IPO11: variants seen among roughly 807,000 people sequenced by gnomAD.
IPO11 encodes the protein importin-11.
IPO11 carries 66 observed loss-of-function variants against 143.2 expected under a neutral mutation model. The observed-to-expected ratio is 0.46, with a 90% CI of 0.38 to 0.57. The LOEUF is 0.57. IPO11 is among the 20% of genes least tolerant of loss of function. IPO11 has a pLI of 0.00. For missense variants in IPO11, 1,026 were observed against 1,141.0 expected, an observed-to-expected ratio of 0.90 and a Z score of 1.45; for synonymous variants, 385 against 377.8, an observed-to-expected ratio of 1.02 and a Z score of -0.22.
At chr5:62,576,858 T>G (rs1744332829) in intron 27 of IPO11, among the ~76,000 whole-genome samples, 1 of 152,256 alleles carries the variant, frequency 6.6e-6, no homozygotes, top group African/African-American at 2.4e-5. Flanking sequence ...TATTTATACA[T>G]TCTTGTTTTT....
chr5:62,490,137 T>A lies in IPO11; in HGVS notation c.1380T>A (p.Ala460=). 6.3e-7 allele frequency: 1 copy of A among 1,598,382 alleles called. No homozygotes were observed. Among genetic ancestry groups the A allele is most frequent in the Non-Finnish European group, 8.5e-7 (1 of 1,173,904 alleles). Residue 460 remains alanine (A), a synonymous_variant, in exon 15 of 30, where the codon GCT becomes GCA. Coordinates refer to ENST00000325324, the MANE Select transcript of IPO11 (RefSeq NM_016338.5). ...CAGTGTATAATGCTGTTGGATTAGC[T>A]GCTTATGAGCTCTTTGACAGTGTTG... ...KDAVYNAVGL[A]AYELFDSVDF... is the part of the protein sequence containing the mutation.
intron 29 of IPO11, among the ~76,000 whole-genome samples, chr5:62,623,090 G>A (rs1746432399): frequency 6.6e-6 from 1 of 152,180 alleles, no homozygotes; most frequent in East Asian, 1.9e-4. Flanking sequence ...TAGAAACTTA[G>A]TTATTTTAGA....
intron 12 of IPO11, 140 bp from the exon 13 acceptor site, chr5:62,487,631 C>CT (rs5868310): frequency 0.53 from 386,132 of 733,688 alleles, 63,335 homozygotes; most frequent in African/African-American, 0.67. Context: ...GGTAACCTTA[C>CT]TTTTTTTTTT....
At chr5:62,571,947 G>C (rs915871617) in intron 27 of IPO11, among the ~76,000 whole-genome samples, 1 of 152,048 alleles carries the variant, frequency 6.6e-6, no homozygotes, top group African/African-American at 2.4e-5. Flanking sequence ...CGGCCTCCCA[G>C]AGTGCTGGGA....
chr5:62,568,562 A>C (rs955539629), intron 27 of IPO11, among the ~76,000 whole-genome samples: 4 of 63,968 alleles, frequency 6.3e-5, no homozygotes, highest in African/African-American at 2.3e-4. Flanking sequence ...CGACAGAGCA[A>C]GACTCTGTCT....
At chr5:62,424,894 A>T (rs1329621193) in intron 1 of IPO11, among the ~76,000 whole-genome samples, 2 of 152,146 alleles carry the variant, frequency 1.3e-5, no homozygotes, top group African/African-American at 4.8e-5. Context: ...ATTTTTAAAA[A>T]TTACTTCATA....
chr5:62,476,478 A>T (rs1458325126), intron 8 of IPO11, among the ~76,000 whole-genome samples: 2 of 152,192 alleles, frequency 1.3e-5, no homozygotes, highest in African/African-American at 4.8e-5. Context: ...TTCAGTTCAT[A>T]TATTAGGGTT....
chr5:62,580,265 A>G (rs1744499347), intron 27 of IPO11: 2 of 1,542,994 alleles, frequency 1.3e-6, no homozygotes, highest in South Asian at 2.4e-5. Flanking sequence ...AGTGGAATTA[A>G]TAATCTTAAA....
intron 24 of IPO11, among the ~76,000 whole-genome samples, chr5:62,547,189 C>T (rs1479490772): frequency 6.6e-6 from 1 of 152,094 alleles, no homozygotes; most frequent in African/African-American, 2.4e-5. Context: ...TTTGTAATTA[C>T]ATTCAGTAGT....
chr5:62,557,214 A>C (rs1743604712), intron 26 of IPO11, among the ~76,000 whole-genome samples: 1 of 151,810 alleles, frequency 6.6e-6, no homozygotes, highest in African/African-American at 2.4e-5. Context: ...ACGGAGTTTC[A>C]ATCTTGTTGC....
At chr5:62,577,961 A>G (rs949801282) in intron 27 of IPO11, among the ~76,000 whole-genome samples, 1 of 152,128 alleles carries the variant, frequency 6.6e-6, no homozygotes, top group Non-Finnish European at 1.5e-5. Context: ...AAAGTTAATG[A>G]CTGAACAATA....
intron 29 of IPO11, among the ~76,000 whole-genome samples, chr5:62,604,937 T>TAA (rs1745648931): frequency 6.6e-6 from 1 of 152,234 alleles, no homozygotes; most frequent in Admixed American, 6.5e-5. Flanking sequence ...AGTTAATGTA[T>TAA]TTTTTCAGTA....
At chr5:62,511,329 GTT>G (rs1297614111) in intron 19 of IPO11, among the ~76,000 whole-genome samples, 2 of 152,070 alleles carry the variant, frequency 1.3e-5, no homozygotes, top group Non-Finnish European at 2.9e-5. Context: ...TTTGTAATCT[GTT>G]TTTACTTATT....
chr5:62,557,829 A>T (rs1185855060), intron 26 of IPO11, among the ~76,000 whole-genome samples: 1 of 152,148 alleles, frequency 6.6e-6, no homozygotes, highest in Non-Finnish European at 1.5e-5. Flanking sequence ...ACTGGTTCAT[A>T]TGTTTGCTGC....
At chr5:62,516,485 T>C (rs1010620132) in intron 20 of IPO11, among the ~76,000 whole-genome samples, 15 of 151,780 alleles carry the variant, frequency 9.9e-5, no homozygotes, top group Non-Finnish European at 7.4e-5. Context: ...GTAGAGATGG[T>C]GTTTCACCAT....
intron 7 of IPO11, among the ~76,000 whole-genome samples, chr5:62,471,760 AAG>A (rs377187012): frequency 6.7e-4 from 102 of 152,334 alleles, no homozygotes; most frequent in East Asian, 4.0e-3. Flanking sequence ...TTTTTTAAAA[AAG>A]AGATATTAAT....
intron 28 of IPO11, among the ~76,000 whole-genome samples, chr5:62,595,512 T>C (rs1043130758): frequency 1.5e-4 from 23 of 152,202 alleles, no homozygotes; most frequent in African/African-American, 5.5e-4. Context: ...TAAACAACAT[T>C]CTGTGTGGAA....
chr5:62,452,481 T>G (rs1307590691), intron 5 of IPO11, among the ~76,000 whole-genome samples: 1 of 150,758 alleles, frequency 6.6e-6, no homozygotes, highest in Non-Finnish European at 1.5e-5. Context: ...AGATGATAGG[T>G]CTCTTGAATG....
At chr5:62,514,350 G>A (rs942555457) in intron 19 of IPO11, among the ~76,000 whole-genome samples, 2 of 152,082 alleles carry the variant, frequency 1.3e-5, no homozygotes, top group Non-Finnish European at 2.9e-5. Context: ...GGCACCTCGG[G>A]AGGCCGAGGC....
Sources: allele counts gnomAD v4.1 joint callset (sites outside exome capture counted in the v4.1 genomes callset), GRCh38; gene constraint gnomAD v4.1.1; transcripts MANE v1.5; gene names NCBI Gene and HGNC (gene_info 2026-07-23, HGNC 2026-07-21).